NPAS3: variants seen among roughly 807,000 people sequenced by gnomAD.
NPAS3 encodes the protein neuronal PAS domain protein 3, also known as neuronal PAS domain-containing protein 3.
Under a neutral mutation model 73.1 loss-of-function variants are expected in NPAS3, and 14 were observed. That is an observed-to-expected ratio of 0.19 (90% CI 0.13 to 0.30). The LOEUF is 0.30. NPAS3 is among the 10% of genes least tolerant of loss of function. The probability of loss-of-function intolerance (pLI) is 1.00; values close to 1 mark genes in which losing one functional copy is unlikely to be tolerated. For synonymous variants in NPAS3, 620 were observed against 541.5 expected (o/e 1.14, Z -2.01); for missense variants, 1,096 against 1,250.0 (o/e 0.88, Z 1.86).
At chr14:33,202,661 A>G (rs1017010622) in intron 2 of NPAS3, among the ~76,000 whole-genome samples, 4 of 151,924 alleles carry the variant, frequency 2.6e-5, no homozygotes, top group African/African-American at 9.7e-5. Flanking sequence ...ACTGAGATAA[A>G]TATTTTTATT....
intron 2 of NPAS3, among the ~76,000 whole-genome samples, chr14:33,126,633 G>A (rs1296267848): frequency 6.6e-6 from 1 of 152,114 alleles, no homozygotes; most frequent in Non-Finnish European, 1.5e-5. Flanking sequence ...GGTTTGGATG[G>A]TGTAAGGTAA....
At chr14:33,106,746 T>A (rs1000391577) in intron 2 of NPAS3, among the ~76,000 whole-genome samples, 1 of 152,172 alleles carries the variant, frequency 6.6e-6, no homozygotes. Context: ...ACCGCAGAAC[T>A]GATGCACGGG....
chr14:33,681,838 TAGATTTATACTTAATGAC>T (rs1388425386), intron 6 of NPAS3, among the ~76,000 whole-genome samples: 1 of 151,892 alleles, frequency 6.6e-6, no homozygotes, highest in Admixed American at 6.5e-5. Flanking sequence ...TCATTCACAC[TAGATTTATACTTAATGAC>T]AGAGTTAGAG....
At chr14:33,574,866 A>G (rs1296676672) in intron 5 of NPAS3, among the ~76,000 whole-genome samples, 3 of 152,186 alleles carry the variant, frequency 2.0e-5, no homozygotes, top group Non-Finnish European at 2.9e-5. Context: ...GAGAGAGACC[A>G]GTTCTGAACT....
chr14:33,042,320 G>A (rs2040372841), intron 1 of NPAS3, among the ~76,000 whole-genome samples: 1 of 152,158 alleles, frequency 6.6e-6, no homozygotes, highest in Admixed American at 6.6e-5. Context: ...TGAAATGGAT[G>A]TTTGTTTCCT....
chr14:33,020,269 C>T lies in NPAS3; in HGVS notation c.51-35636C>T, dbSNP rs180843954. ...ATTTATCATCATAAATATTCCCATA[C>T]GAGAACTGGCAGTGTAGAGGCCAAG... is the stretch of plus-strand genomic sequence containing the variant. On this transcript the variant is annotated intron_variant, in intron 1 of 11. Transcript: ENST00000356141. Among the ~76,000 whole-genome samples the T allele has an allele frequency of 6.6e-5, 10 of 152,226 alleles. No homozygotes were observed. The East Asian group carries it at 1.7e-3, about 26-fold the overall frequency.
chr14:33,468,951 A>C lies in NPAS3; in HGVS notation c.469-91170A>C, dbSNP rs1281143986. 3.9e-5 allele frequency among the ~76,000 whole-genome samples: 6 copies of C among 152,348 alleles called. No homozygotes were observed. The East Asian group carries it at 1.2e-3, about 29-fold the overall frequency. ...GGTTGGAATCCAAAAGACCGAATCT[A>C]CAGGGGTGTTACCTAGGATTTGATA... is the stretch of plus-strand genomic sequence containing the variant. On this transcript the variant is annotated intron_variant, in intron 4 of 11. Coordinates refer to ENST00000356141, the Ensembl canonical transcript of NPAS3.
chr14:33,175,336 A>C (rs2045548750), intron 2 of NPAS3, among the ~76,000 whole-genome samples: 1 of 152,192 alleles, frequency 6.6e-6, no homozygotes, highest in African/African-American at 2.4e-5. Context: ...TCCTTTCCTG[A>C]AAATGTTACC....
chr14:33,441,758 G>A (rs912000608), intron 4 of NPAS3, among the ~76,000 whole-genome samples: 1 of 152,164 alleles, frequency 6.6e-6, no homozygotes, highest in Non-Finnish European at 1.5e-5. Context: ...TGGCTGGGGA[G>A]GCCTCACAAT....
intron 3 of NPAS3, among the ~76,000 whole-genome samples, chr14:33,365,912 A>G (rs1471508012): frequency 6.6e-6 from 1 of 152,212 alleles, no homozygotes; most frequent in Non-Finnish European, 1.5e-5. Context: ...CAACTAGCTG[A>G]AAGTGTTTCT....
intron 5 of NPAS3, among the ~76,000 whole-genome samples, chr14:33,560,981 G>T (rs2055619638): frequency 6.6e-6 from 1 of 152,178 alleles, no homozygotes; most frequent in African/African-American, 2.4e-5. Flanking sequence ...CCATAAAAAT[G>T]CTGAACATCT....
intron 4 of NPAS3, among the ~76,000 whole-genome samples, chr14:33,430,751 T>G (rs1490912745): frequency 2.6e-5 from 4 of 152,184 alleles, no homozygotes; most frequent in African/African-American, 9.7e-5. Context: ...GCAAATTAAA[T>G]TATTAATTTT....
chr14:33,307,340 C>A (rs2042793519), intron 3 of NPAS3, among the ~76,000 whole-genome samples: 1 of 152,146 alleles, frequency 6.6e-6, no homozygotes, highest in Non-Finnish European at 1.5e-5. Context: ...AATTCCATTA[C>A]CTGAATTCAT....
intron 3 of NPAS3, among the ~76,000 whole-genome samples, chr14:33,285,092 G>A (rs770342554): frequency 1.3e-5 from 2 of 152,154 alleles, no homozygotes; most frequent in Admixed American, 6.6e-5. Context: ...TCCATTCCTA[G>A]CATAGTCATA....
intron 1 of NPAS3, among the ~76,000 whole-genome samples, chr14:32,982,124 T>C (rs1297557541): frequency 6.6e-6 from 1 of 152,148 alleles, no homozygotes; most frequent in Non-Finnish European, 1.5e-5. Flanking sequence ...GTCTGGAAAG[T>C]CCAATATCAA....
chr14:33,482,434 C>G (rs2051374431), intron 4 of NPAS3, among the ~76,000 whole-genome samples: 1 of 152,100 alleles, frequency 6.6e-6, no homozygotes, highest in South Asian at 2.1e-4. Flanking sequence ...CTTCTGGTCA[C>G]TATAACTACA....
At chr14:33,012,653 A>G (rs1018115570) in intron 1 of NPAS3, among the ~76,000 whole-genome samples, 2 of 151,338 alleles carry the variant, frequency 1.3e-5, no homozygotes, top group Non-Finnish European at 2.9e-5. Context: ...GGTTCAAGCG[A>G]TTCTCCTGCC....
chr14:33,404,557 C>T (rs961470869), intron 4 of NPAS3, among the ~76,000 whole-genome samples: 1 of 151,948 alleles, frequency 6.6e-6, no homozygotes, highest in Non-Finnish European at 1.5e-5. Context: ...AAGTATTTAT[C>T]TATTCTTAAC....
At position 33,103,416 on chromosome 14, in the gene NPAS3, C is replaced by T. The variant is rs74404112; in HGVS notation, c.140+47422C>T. Among the ~76,000 whole-genome samples the T allele has an allele frequency of 3.6e-3, 550 of 152,228 alleles. 1 individual carries two copies. Among genetic ancestry groups the T allele is most frequent in the African/African-American group, 0.012 (519 of 41,540 alleles). ...GTGCTGTTCTGTATATTATTTCTGGCTTACTTAAGTGGTGTTACTGCTGAG... is the reference window on the plus strand; with the variant it reads ...GTGCTGTTCTGTATATTATTTCTGGTTTACTTAAGTGGTGTTACTGCTGAG... On this transcript the variant is annotated intron_variant, in intron 2 of 11. Coordinates refer to ENST00000356141, the Ensembl canonical transcript of NPAS3.
Sources: gnomAD v4.1 joint callset for allele counts (sites outside exome capture counted in the v4.1 genomes callset) on GRCh38, gnomAD v4.1.1 for gene constraint, MANE v1.5 for transcripts, NCBI Gene and HGNC (gene_info 2026-07-23, HGNC 2026-07-21) for gene names.